The following DLC1 variants were observed in gnomAD, a reference collection of about 807,000 sequenced individuals.
DLC1 encodes rho GTPase-activating protein 7.
Under a neutral mutation model 140.3 loss-of-function variants are expected in DLC1, and 54 were observed. The ratio of observed to expected loss-of-function variants is 0.38; its 90% CI spans 0.31 to 0.48. The LOEUF (loss-of-function observed/expected upper bound fraction) is 0.48, where lower values mean the gene tolerates loss of function less well. Among genes scored for constraint, DLC1 ranks in the 20% least tolerant of loss-of-function variants. The pLI is 0.96. For synonymous variants in DLC1, 986 were observed against 728.1 expected (o/e 1.35, Z -5.70); for missense variants, 2,536 against 1,907.0 (o/e 1.33, Z -6.14).
chr8:13,313,378 A>C (rs1832755165), intron 4 of DLC1, among the ~76,000 whole-genome samples: 1 of 152,224 alleles, frequency 6.6e-6, no homozygotes, highest in African/African-American at 2.4e-5. Context: ...TGAAGACTGA[A>C]ACAAAAAATT....
intron 5 of DLC1, among the ~76,000 whole-genome samples, chr8:13,271,271 T>C (rs1830920208): frequency 6.6e-6 from 1 of 152,228 alleles, no homozygotes; most frequent in Non-Finnish European, 1.5e-5. Flanking sequence ...GAGGCCTACA[T>C]CACTCATGGT....
At chr8:13,515,147 C>A (rs1802543988), upstream of DLC1, among the ~76,000 whole-genome samples, 1 of 152,224 alleles carries the variant, frequency 6.6e-6, no homozygotes, top group Non-Finnish European at 1.5e-5. Context: ...CTATCCACAA[C>A]CTTTCCACTA....
intron 5 of DLC1, among the ~76,000 whole-genome samples, chr8:13,226,695 A>G (rs1432370876): frequency 1.3e-5 from 2 of 152,162 alleles, no homozygotes; most frequent in Non-Finnish European, 2.9e-5. Context: ...AGGAAGTGTG[A>G]CCTGAATTTT....
intron 1 of DLC1, among the ~76,000 whole-genome samples, chr8:13,575,227 T>C (rs571145659): frequency 6.6e-6 from 1 of 152,322 alleles, no homozygotes; most frequent in South Asian, 2.1e-4. Flanking sequence ...ATTAAACATT[T>C]AGGAGAAAAT....
At chr8:13,219,153 A>ATT (rs1484422360) in intron 5 of DLC1, among the ~76,000 whole-genome samples, 1 of 57,144 alleles carries the variant, frequency 1.7e-5, no homozygotes, top group African/African-American at 6.5e-5. Flanking sequence ...TAATTATATA[A>ATT]TTATATGAAT....
chr8:13,092,613 T>G lies in DLC1; in HGVS notation c.3739A>C (p.Arg1247=). 3 of 1,614,038 alleles carry G rather than the reference T, an allele frequency of 1.9e-6. 1 individual carries two copies. In the Middle Eastern group the frequency reaches 5.0e-4, roughly 267 times the overall value. ...ATGCACCTCCCATGCAGCCCGTACC[T>G]GGGAGAGGAATTCTCTCTCTTCAGG... The part of the protein sequence containing the change: ...NTLKRENSSP[R]VMQRKQSLGK... Residue 1247 remains arginine (R), a splice_region_variant and synonymous_variant, in exon 13 of 18, where the codon AGG becomes CGG. Transcript: ENST00000276297.
At chr8:13,234,640 T>C (rs902830673) in intron 5 of DLC1, among the ~76,000 whole-genome samples, 1 of 152,104 alleles carries the variant, frequency 6.6e-6, no homozygotes, top group Non-Finnish European at 1.5e-5. Flanking sequence ...TTACTGGTTC[T>C]TTTTTTAAAC....
intron 5 of DLC1, among the ~76,000 whole-genome samples, chr8:13,228,769 G>T (rs981260986): frequency 1.3e-4 from 20 of 152,028 alleles, no homozygotes; most frequent in Non-Finnish European, 2.2e-4. Context: ...AATGGACAAA[G>T]GATCCGGATA....
chr8:13,341,816 T>C (rs1054686308), intron 4 of DLC1: 1 of 152,208 alleles, frequency 6.6e-6, no homozygotes, highest in Admixed American at 6.5e-5. Context: ...CAAGAGCAGA[T>C]TGATTACATC....
At chr8:13,327,841 G>A (rs1833435716) in intron 4 of DLC1, among the ~76,000 whole-genome samples, 1 of 152,166 alleles carries the variant, frequency 6.6e-6, no homozygotes, top group African/African-American at 2.4e-5. Flanking sequence ...TAAACACTGT[G>A]GAGAGTGTTA....
At chr8:13,196,770 C>CAAATA (rs1827084790) in intron 5 of DLC1, among the ~76,000 whole-genome samples, 1 of 152,180 alleles carries the variant, frequency 6.6e-6, no homozygotes, top group South Asian at 2.1e-4. Flanking sequence ...ACCTCATAAC[C>CAAATA]AAATATCTTT....
chr8:13,128,988 G>A (rs1227302322), intron 5 of DLC1, among the ~76,000 whole-genome samples: 1 of 151,210 alleles, frequency 6.6e-6, no homozygotes, highest in Non-Finnish European at 1.5e-5. Context: ...GGATCCCCAG[G>A]AGGACTCCGC....
At chr8:13,562,281 C>G (rs550522323) in intron 1 of DLC1, among the ~76,000 whole-genome samples, 11 of 151,962 alleles carry the variant, frequency 7.2e-5, no homozygotes, top group South Asian at 2.1e-4. Flanking sequence ...ACAGCATAGA[C>G]AAATAGACAA....
chr8:13,283,243 G>A (rs909385551), intron 5 of DLC1, among the ~76,000 whole-genome samples: 13 of 151,460 alleles, frequency 8.6e-5, no homozygotes, highest in South Asian at 2.1e-4. Flanking sequence ...GAATGTTTCC[G>A]TAAAAAGCTA....
chr8:13,516,214 TG>T (rs1331449912), upstream of DLC1, among the ~76,000 whole-genome samples: 1 of 152,192 alleles, frequency 6.6e-6, no homozygotes, highest in Non-Finnish European at 1.5e-5. Context: ...ATCTGCTTCT[TG>T]CAAATTTCTA....
intron 5 of DLC1, among the ~76,000 whole-genome samples, chr8:13,181,966 G>T (rs1436670389): frequency 6.6e-6 from 1 of 152,162 alleles, no homozygotes; most frequent in Non-Finnish European, 1.5e-5. Context: ...GTGTAAAAGT[G>T]TTCTTATTTC....
intron 2 of DLC1, among the ~76,000 whole-genome samples, chr8:13,474,910 G>A (rs1193121174): frequency 1.3e-5 from 2 of 152,174 alleles, no homozygotes; most frequent in Non-Finnish European, 2.9e-5. Flanking sequence ...GAAGGCACTT[G>A]CCTTGTCTCA....
intron 1 of DLC1, among the ~76,000 whole-genome samples, chr8:13,549,236 C>T (rs1009346691): frequency 2.6e-5 from 4 of 151,768 alleles, no homozygotes; most frequent in African/African-American, 7.3e-5. Context: ...TCAGTCTTAG[C>T]GAGGTGATAC....
At chr8:13,257,016 G>A (rs1282116169) in intron 5 of DLC1, among the ~76,000 whole-genome samples, 2 of 151,874 alleles carry the variant, frequency 1.3e-5, no homozygotes, top group African/African-American at 4.8e-5. Flanking sequence ...TGCAGCCTCT[G>A]ACCCTCTTTT....
Sources: allele counts gnomAD v4.1 joint callset (sites outside exome capture counted in the v4.1 genomes callset), GRCh38; gene constraint gnomAD v4.1.1; transcripts MANE v1.5; gene names NCBI Gene and HGNC (gene_info 2026-07-23, HGNC 2026-07-21).